DOCK10: variants seen among roughly 807,000 people sequenced by gnomAD.
DOCK10 encodes the protein dedicator of cytokinesis protein 10.
In DOCK10, 145 loss-of-function variants were observed where a neutral mutation model predicts 280.1. That is an observed-to-expected ratio of 0.52 (90% confidence interval 0.45 to 0.59). DOCK10 has a LOEUF of 0.59. Among genes scored for constraint, DOCK10 ranks in the 20% least tolerant of loss-of-function variants. The pLI is 0.00. For missense variants in DOCK10, 2,368 were observed against 2,651.7 expected, an observed-to-expected ratio of 0.89 and a Z score of 2.35; for synonymous variants, 915 against 942.2, an observed-to-expected ratio of 0.97 and a Z score of 0.53.
At chr2:224,779,184 A>T (rs2125023129) in intron 50 of DOCK10, among the ~76,000 whole-genome samples, 1 of 151,502 alleles carries the variant, frequency 6.6e-6, no homozygotes, top group South Asian at 2.1e-4. Context: ...AGAATACTAG[A>T]TTAAGTTCGG....
rs748750077 is a variant in DOCK10 at position 224,845,516 on chromosome 2, T to C, written c.2359+3A>G. ...TCTGCCTCAGATTTCTTCCTGGCAG[T>C]ACCTGACGTTTCCAGAGCCTCCTTC... On this transcript the variant is annotated splice_donor_region_variant and intron_variant, in intron 20 of 55. Transcript: ENST00000258390. 1.9e-6 allele frequency: 3 copies of C among 1,611,474 alleles called. No homozygotes were observed. Among genetic ancestry groups the C allele is most frequent in the Non-Finnish European group, 2.5e-6 (3 of 1,179,238 alleles).
intron 4 of DOCK10, among the ~76,000 whole-genome samples, chr2:224,889,418 GT>G (rs77881019): frequency 0.059 from 8,975 of 152,184 alleles, 303 homozygotes; most frequent in South Asian, 0.085. Context: ...GATAAGAAGT[GT>G]TTTTTATTGT....
intron 1 of DOCK10, among the ~76,000 whole-genome samples, chr2:224,940,518 T>A (rs1702973871): frequency 6.6e-6 from 1 of 152,188 alleles, no homozygotes; most frequent in African/African-American, 2.4e-5. Context: ...TTTGGTAAAC[T>A]CCTGAATTAC....
intron 1 of DOCK10, among the ~76,000 whole-genome samples, chr2:224,941,349 A>G (rs1033301514): frequency 1.1e-5 from 1 of 94,592 alleles, no homozygotes; most frequent in Non-Finnish European, 2.5e-5. Flanking sequence ...ATAGCCTTGC[A>G]AAACAGAGAA....
At chr2:224,961,514 A>ATTT (rs201581266) in intron 1 of DOCK10, among the ~76,000 whole-genome samples, 28,253 of 78,584 alleles carry the variant, frequency 0.36, 3,885 homozygotes, top group Non-Finnish European at 0.41. Context: ...TTCTTTCTTC[A>ATTT]TTTTTTTTTT....
chr2:225,035,542 T>TATTA (rs1415059109), intron 1 of DOCK10, among the ~76,000 whole-genome samples: 3 of 50,030 alleles, frequency 6.0e-5, no homozygotes, highest in African/African-American at 2.2e-4. Context: ...ATGATATATA[T>TATTA]TATATATATA....
At chr2:224,816,586 G>T in intron 30 of DOCK10, 31 bp downstream of exon 30, 2 of 1,248,624 alleles carry the variant, frequency 1.6e-6, no homozygotes, top group Non-Finnish European at 2.3e-6. Context: ...CACTTTGCAG[G>T]AACTGAGGAA....
At chr2:224,969,174 T>C (rs559051050) in intron 1 of DOCK10, among the ~76,000 whole-genome samples, 1 of 152,258 alleles carries the variant, frequency 6.6e-6, no homozygotes, top group East Asian at 1.9e-4. Flanking sequence ...AGCAGTCCTC[T>C]CAAATGGGGG....
intron 3 of DOCK10, among the ~76,000 whole-genome samples, chr2:224,900,996 A>G (rs1215782764): frequency 1.3e-5 from 2 of 152,186 alleles, no homozygotes; most frequent in Non-Finnish European, 1.5e-5. Context: ...GTTAGACTAG[A>G]TGACTCCTAA....
intron 41 of DOCK10, among the ~76,000 whole-genome samples, 184 bp downstream of exon 41, chr2:224,799,967 A>G (rs1252805894): frequency 5.9e-5 from 9 of 152,166 alleles, no homozygotes; most frequent in Admixed American, 5.9e-4. Flanking sequence ...TCAAACAAAC[A>G]TTAGTCAACC....
chr2:224,798,414 G>A (rs535699049), intron 41 of DOCK10, among the ~76,000 whole-genome samples: 35 of 152,174 alleles, frequency 2.3e-4, no homozygotes, highest in African/African-American at 7.0e-4. Flanking sequence ...GGGTGGGGCC[G>A]GGGAGAAATG....
intron 1 of DOCK10, among the ~76,000 whole-genome samples, chr2:224,995,004 A>G (rs1237221939): frequency 6.6e-6 from 1 of 152,212 alleles, no homozygotes; most frequent in Admixed American, 6.5e-5. Flanking sequence ...TGAAGGCTGC[A>G]GGTGCCCTCC....
chr2:224,864,788 T>C, intron 12 of DOCK10, 78 bp downstream of exon 12: 1 of 1,587,894 alleles, frequency 6.3e-7, no homozygotes, highest in Non-Finnish European at 8.6e-7. Flanking sequence ...TTCAGGAAAT[T>C]GCTCATCTTA....
intron 1 of DOCK10, among the ~76,000 whole-genome samples, chr2:224,934,619 G>A (rs896701360): frequency 6.6e-6 from 1 of 152,206 alleles, no homozygotes; most frequent in Admixed American, 6.5e-5. Flanking sequence ...CAAATGTAAA[G>A]AGACAGATGT....
intron 3 of DOCK10, among the ~76,000 whole-genome samples, chr2:224,910,266 T>C (rs559856612): frequency 4.2e-4 from 64 of 152,322 alleles, no homozygotes; most frequent in African/African-American, 1.4e-3. Flanking sequence ...GTTTCAAAAA[T>C]CCAGCCAATG....
In DOCK10 at chr2:224,816,607, ATTTTATTACCTGGAATGT is replaced by A; in HGVS notation, c.3356_3364+9del. On this transcript the variant is annotated splice_donor_variant and splice_donor_5th_base_variant and coding_sequence_variant and intron_variant, in exon 30 of 56. Coordinates refer to ENST00000258390, the MANE Select transcript of DOCK10 (RefSeq NM_014689.3). LOFTEE classifies it high-confidence loss of function. ...GCAGGAACTGAGGAAAATTCTGGGA[ATTTTATTACCTGGAATGT>A]TTGCTGATCTTATGGGCAGACACAA... The A allele has an allele frequency of 6.5e-7, 1 of 1,540,740 alleles. No homozygotes were observed. The highest frequency in any genetic ancestry group is 8.9e-7 in the Non-Finnish European group (1 of 1,119,472).
intron 40 of DOCK10, among the ~76,000 whole-genome samples, chr2:224,801,077 CTTA>C: frequency 6.6e-6 from 1 of 152,030 alleles, no homozygotes; most frequent in Non-Finnish European, 1.5e-5. Flanking sequence ...GACCAACATT[CTTA>C]TTATGTAGAT....
intron 1 of DOCK10, among the ~76,000 whole-genome samples, chr2:224,935,940 T>C (rs974732259): frequency 6.6e-6 from 1 of 152,212 alleles, no homozygotes; most frequent in Non-Finnish European, 1.5e-5. Flanking sequence ...CTTTGCAATA[T>C]TATCTTTGTA....
Position 224,805,445 on chromosome 2 carries a change from T to C in DOCK10, c.3899A>G (p.Asn1300Ser), listed in dbSNP as rs1469480949. 3 of 1,612,800 alleles carry C rather than the reference T, an allele frequency of 1.9e-6. No individual in the cohort carries two copies. The highest frequency in any genetic ancestry group is 1.7e-6 in the Non-Finnish European group (2 of 1,179,166). The stretch of plus-strand genomic sequence containing the variant: ...GTCCGTCTTCTCACTGCTCTTCTCA[T>C]TGGTACTTGGATTGGAGTCAAGACT... ...LASLDSNPSTNEKSSEKTDNC... is the reference protein window; with the variant it reads ...LASLDSNPSTSEKSSEKTDNC... The change falls in exon 35 of 56, where the codon AAT (asparagine) becomes AGT (serine). Residue 1300 changes from asparagine (N) to serine (S), a missense_variant. Physicochemically the swap from Asn to Ser is conservative, Grantham distance 46. This residue lies in a region of DOCK10 where 1,159 missense variants were observed against 1,400.8 expected (regional missense o/e 0.83). Coordinates refer to ENST00000258390, the MANE Select transcript of DOCK10 (RefSeq NM_014689.3). This position sits in a 1 kb window ranked among gnomAD's most constrained non-coding sequence, Gnocchi z 4.3.
Sources: gnomAD v4.1 joint callset for allele counts (sites outside exome capture counted in the v4.1 genomes callset) on GRCh38, gnomAD v4.1.1 for gene constraint, gnomAD v4.1.1 regional missense constraint, Gnocchi (gnomAD v3.1) non-coding constraint, MANE v1.5 for transcripts, NCBI Gene and HGNC (gene_info 2026-07-23, HGNC 2026-07-21) for gene names.